Variants in LMTK2 observed in about 807,000 individuals in gnomAD.
LMTK2 encodes the protein lemur tail kinase 2, also known as serine/threonine-protein kinase LMTK2.
LMTK2 carries 37 observed loss-of-function variants against 127.5 expected under a neutral mutation model. The ratio of observed to expected loss-of-function variants is 0.29; its 90% CI spans 0.22 to 0.38. The LOEUF is 0.38. Among genes scored for constraint, LMTK2 ranks in the 10% least tolerant of loss-of-function variants. LMTK2 has a pLI of 1.00. For synonymous variants in LMTK2, 819 were observed against 810.1 expected (o/e 1.01, Z -0.19); for missense variants, 1,694 against 1,920.3 (o/e 0.88, Z 2.20).
Position 98,208,521 on chromosome 7 carries a change from T to C in LMTK2, c.*3029T>C, listed in dbSNP as rs571540850. On this transcript the variant is annotated 3_prime_UTR_variant, in exon 14 of 14. Transcript: ENST00000297293. ...ATAATGTGGGGGAAGGTTAGAATAT[T>C]TTCTGGCCTTCTATGGGGTAGCAAC... The C allele has an allele frequency of 6.6e-6, 1 of 152,396 alleles. No homozygotes were observed. Among genetic ancestry groups the C allele is most frequent in the Admixed American group, 6.5e-5 (1 of 15,314 alleles). The allele number at this position is 152,396 out of a possible 1,614,324, so 9.4% of individuals were successfully genotyped here.
Position 98,108,856 on chromosome 7 carries a change from C to CTTT in LMTK2, c.103+1595_103+1597dup, listed in dbSNP as rs11345679. ...ATAGGAACCTATGTCTGCCTGCACA[C>CTTT]TTTTTTTTTTTTTTTTTTTTTGAGA... On this transcript the variant is annotated intron_variant, in intron 1 of 13. Transcript: ENST00000297293. 9.3e-4 allele frequency among the ~76,000 whole-genome samples: 94 copies of CTTT among 100,762 alleles called. 2 individuals carry two copies. The highest frequency in any genetic ancestry group is 2.2e-3 in the East Asian group (8 of 3,650). The allele number at this position is 100,762 out of a possible 152,430, so 66.1% of individuals were successfully genotyped here.
At chr7:98,175,738 G>C (rs1048339017) in intron 7 of LMTK2, among the ~76,000 whole-genome samples, 2 of 152,244 alleles carry the variant, frequency 1.3e-5, no homozygotes, top group African/African-American at 4.8e-5. Flanking sequence ...AATGAGGAAG[G>C]CTTCAAGGGA....
chr7:98,128,700 A>G (rs531457400), intron 1 of LMTK2, among the ~76,000 whole-genome samples: 18 of 152,200 alleles, frequency 1.2e-4, no homozygotes, highest in Non-Finnish European at 2.5e-4. Context: ...CCTGTGCTCC[A>G]GGGGCTCCCT....
In LMTK2 at chr7:98,192,364, C is replaced by T; in HGVS notation, c.1899C>T (p.Asn633=). 6.3e-7 allele frequency: 1 copy of T among 1,596,574 alleles called. No individual in the cohort carries two copies. The highest frequency in any genetic ancestry group is 1.1e-5 in the South Asian group (1 of 87,092). Residue 633 remains asparagine, a synonymous_variant, in exon 11 of 14, where the codon AAC becomes AAT. Transcript: ENST00000297293. The part of the protein sequence containing the change: ...HVTSGPESPF[N]NIFNDVDKSE... ...CCAGTGGCCCCGAGAGCCCTTTCAA[C>T]AATATATTTAATGATGTGGACAAAT...
intron 2 of LMTK2, among the ~76,000 whole-genome samples, chr7:98,138,169 T>TG (rs930111555): frequency 4.0e-5 from 6 of 151,832 alleles, no homozygotes; most frequent in East Asian, 1.9e-4. Context: ...AAGGAATACA[T>TG]GGGGGGGAGA....
At chr7:98,117,692 C>T (rs908970053) in intron 1 of LMTK2, among the ~76,000 whole-genome samples, 3 of 152,094 alleles carry the variant, frequency 2.0e-5, no homozygotes, top group African/African-American at 7.2e-5. Context: ...CTGGGCCAGG[C>T]GCAGTGGCTC....
At chr7:98,150,399 T>C (rs1584264499) in intron 3 of LMTK2, among the ~76,000 whole-genome samples, 1 of 152,244 alleles carries the variant, frequency 6.6e-6, no homozygotes, top group East Asian at 1.9e-4. Context: ...CACCAAGTGA[T>C]GGCAAAGAGA....
chr7:98,192,897 C>T lies in LMTK2; in HGVS notation c.2432C>T (p.Pro811Leu), dbSNP rs373055932. ...TTGAGCACCTCATTGCAGTCTTCCC[C>T]GGAAGTGCAGGTACCTCCTACCTCC... is the stretch of plus-strand genomic sequence containing the variant. The part of the protein sequence containing the change: ...DTLSTSLQSS[P>L]EVQVPPTSFE... Residue 811 changes from proline to leucine, a missense_variant, in exon 11 of 14, where the codon CCG becomes CTG. By Grantham distance (98) the Pro-to-Leu change is moderately conservative. Coordinates refer to ENST00000297293, the MANE Select transcript of LMTK2 (RefSeq NM_014916.4). 159 of 1,614,008 alleles carry T rather than the reference C, an allele frequency of 9.9e-5. No homozygotes were observed. The highest frequency in any genetic ancestry group is 1.3e-4 in the Non-Finnish European group (153 of 1,179,998).
At position 98,197,030 on chromosome 7, in the gene LMTK2, A is replaced by G. The variant is rs1009646701; in HGVS notation, c.4107+2458A>G. On this transcript the variant is annotated intron_variant, in intron 11 of 13. Coordinates refer to ENST00000297293, the MANE Select transcript of LMTK2 (RefSeq NM_014916.4). ...TAATGAGCTGGTTTTGAAGTTGTGT[A>G]GTTTTTAAGCAGTTGAAGTATCTTG... 3.3e-5 allele frequency among the ~76,000 whole-genome samples: 5 copies of G among 152,222 alleles called. No individual in the cohort carries two copies. The East Asian group carries it at 7.7e-4, about 23-fold the overall frequency.
At chr7:98,145,276 CTA>C (rs1796754398) in intron 3 of LMTK2, among the ~76,000 whole-genome samples, 1 of 7,236 alleles carries the variant, frequency 1.4e-4, no homozygotes, top group East Asian at 4.6e-3. Context: ...AAATGGTACA[CTA>C]AAAAAAAAAA....
chr7:98,203,773 G>T, intron 12 of LMTK2, 67 bp downstream of exon 12: 1 of 1,596,614 alleles, frequency 6.3e-7, no homozygotes, highest in Non-Finnish European at 8.6e-7. Flanking sequence ...GTTTTTTGAG[G>T]GTAACTTCCC....
Position 98,205,377 on chromosome 7 carries a change from G to A in LMTK2, c.4484-87G>A, listed in dbSNP as rs960972230. On this transcript the variant is annotated intron_variant, in intron 13 of 13. Transcript: ENST00000297293. ...TCAAAACACCCGCTTCCGTTCCTGT[G>A]GTGCAGCGCACATGCCATCCACGCC... The A allele has an allele frequency of 1.0e-4, 152 of 1,496,990 alleles. No individual in the cohort carries two copies. The African/African-American group carries it at 1.8e-3, about 17-fold the overall frequency. 92.7% of individuals were successfully genotyped at this position (1,496,990 alleles called of 1,614,324 possible). A position where few individuals can be genotyped will look rare whatever the true frequency, so the allele number is the denominator to read the frequency against.
intron 1 of LMTK2, among the ~76,000 whole-genome samples, chr7:98,108,281 G>A (rs1796147320): frequency 1.3e-5 from 2 of 152,152 alleles, no homozygotes; most frequent in Non-Finnish European, 2.9e-5. Flanking sequence ...GATACCCCTA[G>A]TTGTATGATT....
intron 8 of LMTK2, 65 bp downstream of exon 8, chr7:98,185,200 A>C (rs979878943): frequency 4.5e-6 from 5 of 1,106,100 alleles, no homozygotes; most frequent in Non-Finnish European, 6.8e-6. Context: ...TAATGTCACC[A>C]AATGCCCCAC....
At position 98,193,870 on chromosome 7, in the gene LMTK2, C is replaced by G. The variant is rs1797579229; in HGVS notation, c.3405C>G (p.Pro1135=). Reference sequence around the variant, plus strand: ...CCTTGGTGTTGGTACAGGAGCAGCCCCTACCCGAGCCAGTCCTCCCCGAGC... The same window carrying G: ...CCTTGGTGTTGGTACAGGAGCAGCCGCTACCCGAGCCAGTCCTCCCCGAGC... The part of the protein sequence containing the change: ...PSALVLVQEQ[P]LPEPVLPEQS... The change falls in exon 11 of 14, where the codon CCC becomes CCG. Residue 1135 remains proline (P), a synonymous_variant. Transcript: ENST00000297293. This position sits in a 1 kb window ranked among gnomAD's most constrained non-coding sequence, Gnocchi z 4.1. The G allele has an allele frequency of 1.9e-6, 3 of 1,613,932 alleles. No homozygotes were observed. In the South Asian group the frequency reaches 3.3e-5, roughly 18 times the overall value.
intron 11 of LMTK2, among the ~76,000 whole-genome samples, chr7:98,196,991 C>T (rs899849704): frequency 6.6e-5 from 10 of 152,198 alleles, no homozygotes; most frequent in Non-Finnish European, 1.2e-4. Context: ...TCCTCCCACT[C>T]CTGCTTTCTT....
At chr7:98,133,004 C>A (rs1048002036) in intron 1 of LMTK2, among the ~76,000 whole-genome samples, 10 of 152,214 alleles carry the variant, frequency 6.6e-5, no homozygotes, top group African/African-American at 1.9e-4. Flanking sequence ...ATGTACCTAC[C>A]TCTTAGAGTT....
At chr7:98,168,682 G>A (rs1005410637) in intron 6 of LMTK2, among the ~76,000 whole-genome samples, 1 of 152,178 alleles carries the variant, frequency 6.6e-6, no homozygotes, top group African/African-American at 2.4e-5. Flanking sequence ...ATTCATGTCA[G>A]CATTGAGGAG....
chr7:98,193,869 C>CCCTACCCGAGCCAGT lies in LMTK2; in HGVS notation c.3408_3422dup (p.Pro1139_Glu1143dup). 6.2e-7 allele frequency: 1 copy of CCCTACCCGAGCCAGT among 1,614,050 alleles called. No individual in the cohort carries two copies. On this transcript the variant is annotated inframe_insertion, in exon 11 of 14. Coordinates refer to ENST00000297293, the MANE Select transcript of LMTK2 (RefSeq NM_014916.4). This position sits in a 1 kb window ranked among gnomAD's most constrained non-coding sequence, Gnocchi z 4.1. ...GCCTTGGTGTTGGTACAGGAGCAGC[C>CCCTACCCGAGCCAGT]CCTACCCGAGCCAGTCCTCCCCGAG...
Sources: allele counts gnomAD v4.1 joint callset (sites outside exome capture counted in the v4.1 genomes callset), GRCh38; gene constraint gnomAD v4.1.1; non-coding constraint Gnocchi (gnomAD v3.1); transcripts MANE v1.5; gene names NCBI Gene and HGNC (gene_info 2026-07-23, HGNC 2026-07-21).